The following RBFOX1 variants were observed in gnomAD, a reference collection of about 807,000 sequenced individuals.
The protein encoded by RBFOX1 is RNA binding protein fox-1 homolog 1.
A neutral mutation model predicts 57.7 loss-of-function variants in RBFOX1; 8 were observed. The observed-to-expected ratio is 0.14, with a 90% confidence interval of 0.08 to 0.25. The LOEUF is 0.25. RBFOX1 is among the 10% of genes least tolerant of loss of function. RBFOX1 has a pLI of 1.00. For synonymous variants in RBFOX1, 326 were observed against 222.4 expected (o/e 1.47, Z -4.15); for missense variants, 611 against 548.5 (o/e 1.11, Z -1.14).
chr16:6,672,485 A>G (rs1156929286), intron 3 of RBFOX1, among the ~76,000 whole-genome samples: 1 of 151,898 alleles, frequency 6.6e-6, no homozygotes, highest in African/African-American at 2.4e-5. Context: ...GAAAAAAGAA[A>G]AAGGGAGGGA....
chr16:6,782,056 G>A (rs555883902), intron 3 of RBFOX1, among the ~76,000 whole-genome samples: 1 of 152,054 alleles, frequency 6.6e-6, no homozygotes, highest in African/African-American at 2.4e-5. Context: ...CACTGGGCTG[G>A]AGTGCAGTGG....
chr16:7,156,808 T>A (rs2077244271), intron 4 of RBFOX1, among the ~76,000 whole-genome samples: 1 of 152,208 alleles, frequency 6.6e-6, no homozygotes, highest in Non-Finnish European at 1.5e-5. Flanking sequence ...TCTCTGTACT[T>A]GTACATGCAC....
intron 1 of RBFOX1, among the ~76,000 whole-genome samples, chr16:5,465,782 G>A (rs535761858): frequency 6.6e-6 from 1 of 152,342 alleles, no homozygotes; most frequent in African/African-American, 2.4e-5. Flanking sequence ...GTCACCCTAT[G>A]AAGTAGGCTG....
intron 4 of RBFOX1, among the ~76,000 whole-genome samples, chr16:7,064,161 C>CTTTTTTTTTT (rs869135535): frequency 1.0e-5 from 1 of 96,830 alleles, no homozygotes. Context: ...GACTGGTGTT[C>CTTTTTTTTTT]TTTTTTTTTT....
intron 4 of RBFOX1, among the ~76,000 whole-genome samples, chr16:5,929,494 A>G (rs2059003799): frequency 6.6e-6 from 1 of 152,186 alleles, no homozygotes; most frequent in African/African-American, 2.4e-5. Flanking sequence ...ATGACATTAG[A>G]GTGTCTTTGA....
intron 4 of RBFOX1, among the ~76,000 whole-genome samples, chr16:7,319,998 T>G (rs1344460729): frequency 6.6e-6 from 1 of 152,316 alleles, no homozygotes; most frequent in Middle Eastern, 3.4e-3. Context: ...ACATATCTTC[T>G]AGGACTGCCT....
intron 3 of RBFOX1, among the ~76,000 whole-genome samples, chr16:6,801,210 A>T (rs2154257736): frequency 1.3e-5 from 2 of 152,136 alleles, no homozygotes; most frequent in East Asian, 3.9e-4. Context: ...AAAAAAAAAA[A>T]AAAAAAAGTA....
At chr16:7,169,465 A>C (rs571902463) in intron 4 of RBFOX1, among the ~76,000 whole-genome samples, 2 of 152,288 alleles carry the variant, frequency 1.3e-5, no homozygotes, top group Non-Finnish European at 2.9e-5. Context: ...ATTCAGTAGC[A>C]CCTGCCTCTT....
chr16:5,770,940 T>A (rs12102875), intron 3 of RBFOX1, among the ~76,000 whole-genome samples: 20,624 of 152,192 alleles, frequency 0.14, 1,597 homozygotes, highest in African/African-American at 0.2. Context: ...TATTCCATCC[T>A]GGCAGGTGAA....
intron 3 of RBFOX1, among the ~76,000 whole-genome samples, chr16:5,753,857 G>GA (rs529438194): frequency 0.011 from 1,530 of 142,088 alleles, 12 homozygotes; most frequent in East Asian, 0.022. Flanking sequence ...AGTTTTCATT[G>GA]AAAAAAAAAA....
chr16:7,025,052 C>G (rs1597332755), intron 3 of RBFOX1, among the ~76,000 whole-genome samples: 1 of 152,092 alleles, frequency 6.6e-6, no homozygotes, highest in South Asian at 2.1e-4. Flanking sequence ...TCCCGCAAGA[C>G]AAGAGTTGAG....
At chr16:6,466,406 GCCA>G (rs761611111) in intron 2 of RBFOX1, among the ~76,000 whole-genome samples, 10 of 152,034 alleles carry the variant, frequency 6.6e-5, no homozygotes, top group Non-Finnish European at 1.5e-4. Flanking sequence ...AATCCTCTCA[GCCA>G]CCACCTGAAG....
At chr16:5,382,107 AGGTGGTGTCCCTCCAATGGGGC>A (rs2066145172) in intron 1 of RBFOX1, among the ~76,000 whole-genome samples, 1 of 152,222 alleles carries the variant, frequency 6.6e-6, no homozygotes, top group Non-Finnish European at 1.5e-5. Flanking sequence ...GAACTTTATA[AGGTGGTGTCCCTCCAATGGGGC>A]AGTCTGTTTT....
chr16:6,969,493 A>C (rs12921233), intron 3 of RBFOX1, among the ~76,000 whole-genome samples: 65,243 of 152,026 alleles, frequency 0.43, 17,118 homozygotes, highest in Non-Finnish European at 0.58. Flanking sequence ...CCAGCACTTC[A>C]GGAGGCCAAC....
chr16:6,853,018 A>G (rs552839668), intron 3 of RBFOX1, among the ~76,000 whole-genome samples: 2 of 152,246 alleles, frequency 1.3e-5, no homozygotes, highest in Admixed American at 6.5e-5. Context: ...GCAGAATTGG[A>G]ACAGCTGGTC....
chr16:5,966,808 G>C (rs1485672197), intron 4 of RBFOX1, among the ~76,000 whole-genome samples: 1 of 152,004 alleles, frequency 6.6e-6, no homozygotes, highest in East Asian at 1.9e-4. Context: ...GATGAGATTT[G>C]GGTAGGGGGG....
At chr16:7,046,888 G>C (rs961796214) in intron 3 of RBFOX1, among the ~76,000 whole-genome samples, 6 of 152,020 alleles carry the variant, frequency 3.9e-5, no homozygotes, top group African/African-American at 1.4e-4. Context: ...TTACAGGCGT[G>C]AGCCCCTGCG....
chr16:6,877,254 T>A (rs1453157483), intron 3 of RBFOX1, among the ~76,000 whole-genome samples: 1 of 152,360 alleles, frequency 6.6e-6, no homozygotes, highest in East Asian at 1.9e-4. Context: ...CATGTTGACA[T>A]GTCCTAGAGA....
chr16:6,065,385 A>T (rs539153910), intron 1 of RBFOX1, among the ~76,000 whole-genome samples: 1 of 152,146 alleles, frequency 6.6e-6, no homozygotes, highest in East Asian at 1.9e-4. Flanking sequence ...GTTTTCATAC[A>T]GCTGGTGGTC....
Sources: allele counts gnomAD v4.1 joint callset (sites outside exome capture counted in the v4.1 genomes callset), GRCh38; gene constraint gnomAD v4.1.1; transcripts MANE v1.5; gene names NCBI Gene and HGNC (gene_info 2026-07-23, HGNC 2026-07-21).